SYNPO: variants seen among roughly 807,000 people sequenced by gnomAD.
The protein encoded by SYNPO is synaptopodin.
In SYNPO, 19 loss-of-function variants were observed where a neutral mutation model predicts 49.5. The observed-to-expected ratio is 0.38, with a 90% CI of 0.27 to 0.56. The LOEUF (loss-of-function observed/expected upper bound fraction) is 0.56, where lower values mean the gene tolerates loss of function less well. SYNPO is among the 20% of genes least tolerant of loss of function. SYNPO has a pLI of 0.68. For missense variants in SYNPO, 1,131 were observed against 1,248.3 expected (o/e 0.91, Z 1.42); for synonymous variants, 536 against 548.0 (o/e 0.98, Z 0.31).
intron 2 of SYNPO, among the ~76,000 whole-genome samples, chr5:150,629,377 G>A (rs770809681): frequency 1.3e-5 from 2 of 152,168 alleles, no homozygotes; most frequent in Admixed American, 6.5e-5. Flanking sequence ...ACGGATGCTC[G>A]AACCTCCGCT....
At chr5:150,606,444 A>G (rs565061770) in intron 1 of SYNPO, among the ~76,000 whole-genome samples, 1 of 152,336 alleles carries the variant, frequency 6.6e-6, no homozygotes, top group East Asian at 1.9e-4. Context: ...TGATTTGTAC[A>G]TGGAGAAGAG....
rs368472245 is a variant in SYNPO, at chr5:150,615,781, C to T, written c.-265-2322C>T. The stretch of plus-strand genomic sequence containing the variant: ...CTCTCCTCCATGTCTCTGAATCCAC[C>T]ATCATGGTCAAGGTGTCAGAGCTAG... On this transcript the variant is annotated intron_variant, in intron 1 of 2. Transcript: ENST00000394243. Among the ~76,000 whole-genome samples, 3 of 152,326 alleles carry T rather than the reference C, an allele frequency of 2.0e-5. 1 individual carries two copies.
At chr5:150,618,754 G>A (rs1046438722) in exon 2 of SYNPO, 9 of 1,551,214 alleles carry the variant, frequency 5.8e-6, no homozygotes, top group Non-Finnish European at 7.8e-6. Context: ...GGCCCAGAGT[G>A]GCCCAGAAAC....
upstream of SYNPO, among the ~76,000 whole-genome samples, chr5:150,597,459 G>C (rs948029176): frequency 2.0e-5 from 3 of 152,180 alleles, no homozygotes; most frequent in African/African-American, 7.2e-5. Context: ...AGCCCCTGGA[G>C]TAGCTGGGAT....
intron 2 of SYNPO, among the ~76,000 whole-genome samples, chr5:150,656,167 C>T (rs1051978736): frequency 1.3e-5 from 2 of 152,160 alleles, no homozygotes; most frequent in Non-Finnish European, 2.9e-5. Context: ...TAAGTTAAGG[C>T]GGCTCTCTCC....
intron 2 of SYNPO, among the ~76,000 whole-genome samples, chr5:150,632,976 G>A (rs531406315): frequency 2.6e-5 from 4 of 152,200 alleles, no homozygotes; most frequent in South Asian, 2.1e-4. Flanking sequence ...GGCCCTGATC[G>A]TCCCTGCTCA....
intron 2 of SYNPO, among the ~76,000 whole-genome samples, chr5:150,626,765 G>A (rs1021768373): frequency 5.3e-5 from 8 of 152,204 alleles, no homozygotes; most frequent in Non-Finnish European, 1.2e-4. Context: ...GGAGACTGGG[G>A]CCAAGGAGGG....
At chr5:150,634,339 C>T (rs1340900723) in intron 2 of SYNPO, among the ~76,000 whole-genome samples, 1 of 152,170 alleles carries the variant, frequency 6.6e-6, no homozygotes, top group Admixed American at 6.5e-5. Flanking sequence ...GAGGCTAAAA[C>T]CCAGATCTCC....
chr5:150,621,771 G>A lies in SYNPO; in HGVS notation c.400+3004G>A, dbSNP rs547360161. Among the ~76,000 whole-genome samples the A allele has an allele frequency of 8.5e-5, 13 of 152,302 alleles. No homozygotes were observed. In the South Asian group the frequency reaches 2.1e-3, roughly 24 times the overall value. ...CAAGGCCTGAGTACCAGCTGAGCAG[G>A]GCAACACAGGGCCCTGTGGGCAGGC... On this transcript the variant is annotated intron_variant, in intron 2 of 2. Transcript: ENST00000394243.
At chr5:150,603,309 G>A (rs1025923519) in intron 1 of SYNPO, among the ~76,000 whole-genome samples, 2 of 152,232 alleles carry the variant, frequency 1.3e-5, no homozygotes, top group African/African-American at 4.8e-5. Flanking sequence ...ACTTGGCTGC[G>A]TTTTATCTGC....
At chr5:150,604,385 G>A (rs987478890) in intron 1 of SYNPO, among the ~76,000 whole-genome samples, 1 of 152,256 alleles carries the variant, frequency 6.6e-6, no homozygotes, top group African/African-American at 2.4e-5. Context: ...ATGGGGTGCA[G>A]ATGGAGGCTG....
At chr5:150,616,475 T>C (rs777504897) in intron 1 of SYNPO, among the ~76,000 whole-genome samples, 2 of 152,208 alleles carry the variant, frequency 1.3e-5, no homozygotes, top group Non-Finnish European at 2.9e-5. Flanking sequence ...TAATTGGCCA[T>C]CTGCTCTGTC....
intron 2 of SYNPO, among the ~76,000 whole-genome samples, chr5:150,655,503 C>T (rs886584295): frequency 1.3e-5 from 2 of 152,214 alleles, no homozygotes; most frequent in African/African-American, 2.4e-5. Flanking sequence ...ATGGGGAAAC[C>T]GAAGCCTCCC....
chr5:150,636,880 G>A (rs544421355), upstream of SYNPO, among the ~76,000 whole-genome samples: 15 of 152,262 alleles, frequency 9.9e-5, no homozygotes, highest in Admixed American at 5.9e-4. Context: ...GAGAGGGGTG[G>A]TGAAGACAGG....
intron 1 of SYNPO, chr5:150,615,353 C>G (rs529210054): frequency 6.6e-6 from 1 of 152,308 alleles, no homozygotes; most frequent in South Asian, 2.1e-4. Context: ...CCGTGGCCAC[C>G]GTCAAATACA....
chr5:150,618,832 C>T, intron 2 of SYNPO: 1 of 1,533,588 alleles, frequency 6.5e-7, no homozygotes. Flanking sequence ...GTCCTTAGTA[C>T]AAGGGCTCCT....
chr5:150,635,168 C>T (rs1757673606), intron 2 of SYNPO, among the ~76,000 whole-genome samples: 1 of 152,258 alleles, frequency 6.6e-6, no homozygotes, highest in Non-Finnish European at 1.5e-5. Context: ...GCCAGCCTTC[C>T]ACGAGTCCCG....
chr5:150,614,294 C>G (rs1309194908), intron 1 of SYNPO, among the ~76,000 whole-genome samples: 1 of 152,208 alleles, frequency 6.6e-6, no homozygotes, highest in Non-Finnish European at 1.5e-5. Flanking sequence ...CTTCCCCCAC[C>G]ACACACACAG....
rs1758175562 is a variant in SYNPO, at chr5:150,648,142, C to A, written c.-134C>A. The A allele has an allele frequency of 3.2e-6, 5 of 1,553,148 alleles. No homozygotes were observed. Among genetic ancestry groups the A allele is most frequent in the Admixed American group, 3.9e-5 (2 of 51,072 alleles). Reference sequence around the variant, plus strand: ...AGGGGACAGAAGCCCAGCCAGGAGTCCCTCAGAGTGCTCCCTTCAAGCCTC... The same window carrying A: ...AGGGGACAGAAGCCCAGCCAGGAGTACCTCAGAGTGCTCCCTTCAAGCCTC... On this transcript the variant is annotated 5_prime_UTR_variant, in exon 2 of 3. Coordinates refer to ENST00000307662, the MANE Select transcript of SYNPO (RefSeq NM_007286.6). This position sits in a 1 kb window ranked among gnomAD's most constrained non-coding sequence, Gnocchi z 5.0.
Sources: allele counts gnomAD v4.1 joint callset (sites outside exome capture counted in the v4.1 genomes callset), GRCh38; gene constraint gnomAD v4.1.1; non-coding constraint Gnocchi (gnomAD v3.1); transcripts MANE v1.5; gene names NCBI Gene and HGNC (gene_info 2026-07-23, HGNC 2026-07-21).